The following DEUP1 variants were observed in gnomAD, a reference collection of about 807,000 sequenced individuals.
The protein encoded by DEUP1 is coiled-coil domain containing 67.
In DEUP1, 82 loss-of-function variants were observed where a neutral mutation model predicts 87.4. The observed-to-expected ratio is 0.94, with a 90% confidence interval of 0.78 to 1.13. The LOEUF is 1.13. Among genes scored for constraint, DEUP1 ranks in the 50% most tolerant of loss-of-function variants. The pLI, the probability that DEUP1 is intolerant of heterozygous loss-of-function variation, is 0.00. For missense variants in DEUP1, 663 were observed against 681.5 expected, an observed-to-expected ratio of 0.97 and a Z score of 0.30; for synonymous variants, 214 against 222.7, an observed-to-expected ratio of 0.96 and a Z score of 0.35.
At chr11:93,398,027 C>T (rs1023830502) in intron 11 of DEUP1, among the ~76,000 whole-genome samples, 1 of 151,970 alleles carries the variant, frequency 6.6e-6, no homozygotes, top group African/African-American at 2.4e-5. Context: ...ACTCATCTAC[C>T]CGCATTATAC....
chr11:93,379,717 T>C (rs1946207404), intron 7 of DEUP1, among the ~76,000 whole-genome samples: 1 of 151,704 alleles, frequency 6.6e-6, no homozygotes, highest in Non-Finnish European at 1.5e-5. Context: ...TTCTTCCTAC[T>C]CCGCAAAGAT....
chr11:93,435,953 G>A (rs547301216), intron 13 of DEUP1, among the ~76,000 whole-genome samples: 24 of 149,146 alleles, frequency 1.6e-4, no homozygotes, highest in African/African-American at 4.5e-4. Flanking sequence ...CCGAGATCAC[G>A]CCACTGCACT....
intron 7 of DEUP1, among the ~76,000 whole-genome samples, chr11:93,385,197 C>T (rs1946482959): frequency 6.6e-6 from 1 of 151,910 alleles, no homozygotes. Flanking sequence ...CCAGCCTGGG[C>T]AACAGAGTGA....
chr11:93,340,682 T>C (rs528594601), intron 2 of DEUP1, among the ~76,000 whole-genome samples: 1 of 152,224 alleles, frequency 6.6e-6, no homozygotes, highest in African/African-American at 2.4e-5. Context: ...TAGTGACAAA[T>C]GGGTTTGTTT....
At chr11:93,336,540 A>G (rs1022191767) in intron 2 of DEUP1, among the ~76,000 whole-genome samples, 1 of 152,128 alleles carries the variant, frequency 6.6e-6, no homozygotes, top group Non-Finnish European at 1.5e-5. Flanking sequence ...CTAATTTCCT[A>G]CCTGGAGAGT....
Position 93,409,005 on chromosome 11 carries a change from C to G in DEUP1, c.1523+578C>G, listed in dbSNP as rs772150815. Reference sequence around the variant, plus strand: ...CCAAGTAACTGGGACTACAGGCCCCCGCCACTACACCCGGATAATTTTTGT... The same window carrying G: ...CCAAGTAACTGGGACTACAGGCCCCGGCCACTACACCCGGATAATTTTTGT... On this transcript the variant is annotated intron_variant, in intron 12 of 13. Coordinates refer to ENST00000298050, the MANE Select transcript of DEUP1 (RefSeq NM_181645.4). Among the ~76,000 whole-genome samples, 3 of 151,904 alleles carry G rather than the reference C, an allele frequency of 2.0e-5. No homozygotes were observed. The South Asian group carries it at 6.2e-4, about 32-fold the overall frequency.
At chr11:93,378,915 T>A (rs1227730597) in intron 7 of DEUP1, among the ~76,000 whole-genome samples, 3 of 152,026 alleles carry the variant, frequency 2.0e-5, no homozygotes, top group Non-Finnish European at 2.9e-5. Flanking sequence ...TGCAAGTTAG[T>A]CCTGCCTCCC....
intron 12 of DEUP1, among the ~76,000 whole-genome samples, chr11:93,411,649 G>A (rs1947439991): frequency 6.6e-6 from 1 of 152,094 alleles, no homozygotes; most frequent in South Asian, 2.1e-4. Context: ...TGAAGTTTCA[G>A]GATAATTTAC....
chr11:93,375,059 A>G (rs1291527411), intron 7 of DEUP1, among the ~76,000 whole-genome samples: 3 of 139,056 alleles, frequency 2.2e-5, no homozygotes, highest in Non-Finnish European at 4.6e-5. Context: ...GCACTATTGT[A>G]AAAGAGGTTG....
chr11:93,394,710 A>G (rs371261765), intron 10 of DEUP1, 54 bp downstream of exon 10: 6 of 1,185,942 alleles, frequency 5.1e-6, no homozygotes, highest in African/African-American at 4.6e-5. Context: ...GCTCAGTGCC[A>G]ATAGTAGCCT....
intron 2 of DEUP1, among the ~76,000 whole-genome samples, chr11:93,337,977 G>GT (rs1943857998): frequency 6.6e-6 from 1 of 152,156 alleles, no homozygotes; most frequent in Non-Finnish European, 1.5e-5. Context: ...ACCTGACCTG[G>GT]TTGTCTATGG....
intron 2 of DEUP1, among the ~76,000 whole-genome samples, chr11:93,335,981 T>G (rs1943741852): frequency 6.6e-6 from 1 of 151,936 alleles, no homozygotes; most frequent in Non-Finnish European, 1.5e-5. Context: ...GGTGTGGTGG[T>G]GCATGCCTGT....
At chr11:93,417,720 C>G (rs1947695832) in intron 13 of DEUP1, among the ~76,000 whole-genome samples, 1 of 148,350 alleles carries the variant, frequency 6.7e-6, no homozygotes, top group Non-Finnish European at 1.5e-5. Context: ...CCCTCATCGC[C>G]AAGTCAATCC....
At chr11:93,407,427 G>A (rs2605575) in intron 11 of DEUP1, among the ~76,000 whole-genome samples, 68,385 of 151,890 alleles carry the variant, frequency 0.45, 16,052 homozygotes, top group Admixed American at 0.6. Context: ...AGCTGATGTC[G>A]CCTTTTTCAG....
At chr11:93,337,511 T>G (rs115594713) in intron 2 of DEUP1, among the ~76,000 whole-genome samples, 493 of 152,324 alleles carry the variant, frequency 3.2e-3, no homozygotes, top group African/African-American at 0.011. Context: ...TCTCCCTCTC[T>G]TCATACTTTA....
At chr11:93,377,724 C>T (rs1313062425) in intron 7 of DEUP1, among the ~76,000 whole-genome samples, 1 of 152,042 alleles carries the variant, frequency 6.6e-6, no homozygotes, top group Non-Finnish European at 1.5e-5. Flanking sequence ...GAGATGTATG[C>T]TTCAAGGAGG....
At chr11:93,340,348 G>C (rs1397185534) in intron 2 of DEUP1, among the ~76,000 whole-genome samples, 4 of 152,144 alleles carry the variant, frequency 2.6e-5, no homozygotes, top group African/African-American at 9.7e-5. Flanking sequence ...ACAGGAACAT[G>C]ATTGACGTTT....
At chr11:93,419,177 TATA>T (rs78611880) in intron 13 of DEUP1, among the ~76,000 whole-genome samples, 66,231 of 126,256 alleles carry the variant, frequency 0.52, 15,455 homozygotes, top group East Asian at 0.64. Context: ...AAACTTAAAG[TATA>T]ATAATAAAAA....
chr11:93,400,097 G>C (rs1283688644), intron 11 of DEUP1, among the ~76,000 whole-genome samples: 1 of 152,054 alleles, frequency 6.6e-6, no homozygotes, highest in Non-Finnish European at 1.5e-5. Context: ...AATAGACTAT[G>C]GTTAACAGAT....
Sources: gnomAD v4.1 joint callset for allele counts (sites outside exome capture counted in the v4.1 genomes callset) on GRCh38, gnomAD v4.1.1 for gene constraint, MANE v1.5 for transcripts, NCBI Gene and HGNC (gene_info 2026-07-23, HGNC 2026-07-21) for gene names.